Variants in FAT3 observed in about 807,000 individuals in gnomAD.
FAT3 encodes FAT atypical cadherin 3, also known as protocadherin Fat 3.
Under a neutral mutation model 310.2 loss-of-function variants are expected in FAT3, and 95 were observed. That is an observed-to-expected ratio of 0.31 (90% confidence interval 0.26 to 0.36). The LOEUF is 0.36. Among genes scored for constraint, FAT3 ranks in the 10% least tolerant of loss-of-function variants. The pLI is 1.00. For missense variants in FAT3, 5,408 were observed against 5,715.6 expected, an observed-to-expected ratio of 0.95 and a Z score of 1.74; for synonymous variants, 2,314 against 2,192.9, an observed-to-expected ratio of 1.06 and a Z score of -1.54.
intron 2 of FAT3, among the ~76,000 whole-genome samples, chr11:92,432,362 A>T (rs541303486): frequency 5.9e-5 from 9 of 152,186 alleles, no homozygotes; most frequent in Non-Finnish European, 1.0e-4. Context: ...GAGACTGCTG[A>T]AGTTGCCTAT....
chr11:92,431,321 G>A (rs983527103), intron 2 of FAT3, among the ~76,000 whole-genome samples: 1 of 152,108 alleles, frequency 6.6e-6, no homozygotes, highest in Non-Finnish European at 1.5e-5. Context: ...TTTGAGAAGT[G>A]TCTGTTCATA....
rs533404681 is a variant in FAT3, at chr11:92,732,131, A to T, written c.3670-29725A>T. 9.2e-5 allele frequency among the ~76,000 whole-genome samples: 14 copies of T among 152,286 alleles called. No individual in the cohort carries two copies. In the East Asian group the frequency reaches 2.7e-3, roughly 29 times the overall value. On this transcript the variant is annotated intron_variant, in intron 4 of 27. Transcript: ENST00000525166. ...TTTACTAATTTACTCACATCAATTT[A>T]CTAATTGTTTCTTACGCTAGGTACT...
At chr11:92,422,895 ACC>A (rs1950560097) in intron 2 of FAT3, among the ~76,000 whole-genome samples, 1 of 152,108 alleles carries the variant, frequency 6.6e-6, no homozygotes, top group African/African-American at 2.4e-5. Flanking sequence ...AGGGACGTTG[ACC>A]AGACTAGAGG....
chr11:92,643,235 A>G (rs1013621021), intron 3 of FAT3, among the ~76,000 whole-genome samples: 6 of 152,142 alleles, frequency 3.9e-5, no homozygotes, highest in African/African-American at 1.4e-4. Context: ...CCTAATTCAA[A>G]TTTCCCCTGG....
chr11:92,538,189 TG>T (rs1954323178), intron 3 of FAT3, among the ~76,000 whole-genome samples: 1 of 152,150 alleles, frequency 6.6e-6, no homozygotes. Flanking sequence ...TTCTATTAAG[TG>T]TATTATTCTA....
intron 2 of FAT3, among the ~76,000 whole-genome samples, chr11:92,401,202 C>G (rs1189365378): frequency 6.6e-6 from 1 of 152,140 alleles, no homozygotes; most frequent in Admixed American, 6.5e-5. Context: ...AAACTGAGTG[C>G]AGGCTAGTGG....
intron 2 of FAT3, among the ~76,000 whole-genome samples, chr11:92,470,228 A>G (rs1951871353): frequency 2.0e-5 from 3 of 152,324 alleles, no homozygotes; most frequent in African/African-American, 7.2e-5. Context: ...AAAATTTTGG[A>G]TAATTATAAG....
At chr11:92,735,927 C>T (rs939511576) in intron 4 of FAT3, among the ~76,000 whole-genome samples, 4 of 152,000 alleles carry the variant, frequency 2.6e-5, no homozygotes, top group African/African-American at 9.7e-5. Flanking sequence ...GTAGATATTG[C>T]TATTCCCATG....
chr11:92,302,676 A>G (rs1947030135), intron 1 of FAT3, among the ~76,000 whole-genome samples: 1 of 152,108 alleles, frequency 6.6e-6, no homozygotes, highest in South Asian at 2.1e-4. Context: ...AAATCCAAAC[A>G]GAACTCATAG....
At chr11:92,432,986 C>T (rs973485956) in intron 2 of FAT3, among the ~76,000 whole-genome samples, 20 of 152,158 alleles carry the variant, frequency 1.3e-4, no homozygotes, top group Non-Finnish European at 2.9e-4. Context: ...TGCGGCACTA[C>T]GTTGGGCTCT....
In FAT3 at chr11:92,797,868, G is replaced by A. The variant is rs1479988956; in HGVS notation, c.4855G>A (p.Val1619Ile). The A allele has an allele frequency of 2.5e-6, 4 of 1,613,770 alleles. No individual in the cohort carries two copies. Among genetic ancestry groups the A allele is most frequent in the Middle Eastern group, 1.7e-4 (1 of 6,056 alleles). Residue 1619 changes from valine to isoleucine, a missense_variant, in exon 10 of 28, where the codon GTC (valine) becomes ATC (isoleucine). Physicochemically the swap from Val to Ile is conservative, Grantham distance 29. This residue lies in a region of FAT3 where 4,588 missense variants were observed against 4,809.8 expected (regional missense o/e 0.95). Transcript: ENST00000525166. Reference sequence around the variant, plus strand: ...TGGGAACATGTTTAAGATCGAACCGGTCCTAGGCATCATCACCATTTGCAA... The same window carrying A: ...TGGGAACATGTTTAAGATCGAACCGATCCTAGGCATCATCACCATTTGCAA... The part of the protein sequence containing the change: ...NTGNMFKIEP[V>I]LGIITICKEP...
intron 3 of FAT3, among the ~76,000 whole-genome samples, chr11:92,680,853 T>A (rs1943462377): frequency 6.6e-6 from 1 of 152,222 alleles, no homozygotes; most frequent in African/African-American, 2.4e-5. Flanking sequence ...GCAGGGAGGC[T>A]TGGTACTGAG....
At chr11:92,502,067 C>T (rs897794178) in intron 2 of FAT3, among the ~76,000 whole-genome samples, 4 of 151,912 alleles carry the variant, frequency 2.6e-5, no homozygotes, top group Admixed American at 2.6e-4. Flanking sequence ...GTGATAGACT[C>T]CTGAGAATAA....
chr11:92,785,022 C>T (rs1272707969), intron 7 of FAT3, among the ~76,000 whole-genome samples: 1 of 151,402 alleles, frequency 6.6e-6, no homozygotes, highest in Admixed American at 6.6e-5. Flanking sequence ...GAACAATACC[C>T]AAAACTTTAC....
chr11:92,309,490 C>T lies in FAT3; in HGVS notation c.-17-42606C>T, dbSNP rs541565458. On this transcript the variant is annotated intron_variant, in intron 1 of 27. Coordinates refer to ENST00000525166, the MANE Select transcript of FAT3 (RefSeq NM_001367949.2). Reference sequence around the variant, plus strand: ...CAAGTAGGATCGTTCAAACTTAAAACGCTGGTTGCTGTGCATTTAGTTTAT... The same window carrying T: ...CAAGTAGGATCGTTCAAACTTAAAATGCTGGTTGCTGTGCATTTAGTTTAT... Among the ~76,000 whole-genome samples, 267 of 152,068 alleles carry T rather than the reference C, an allele frequency of 1.8e-3. 2 individuals are homozygous for T. In the South Asian group the frequency reaches 0.018, roughly 10 times the overall value.
At chr11:92,276,263 A>C (rs115215367) in intron 1 of FAT3, among the ~76,000 whole-genome samples, 1 of 152,176 alleles carries the variant, frequency 6.6e-6, no homozygotes, top group Admixed American at 6.5e-5. Flanking sequence ...AAATTGTAAA[A>C]TCACAGAAGT....
chr11:92,369,387 G>T (rs1226541422), intron 2 of FAT3, among the ~76,000 whole-genome samples: 1 of 152,202 alleles, frequency 6.6e-6, no homozygotes, highest in Non-Finnish European at 1.5e-5. Context: ...TGATGCCAAA[G>T]AAACCTGGTT....
intron 3 of FAT3, among the ~76,000 whole-genome samples, chr11:92,591,014 T>G (rs1939398597): frequency 6.6e-6 from 1 of 152,120 alleles, no homozygotes; most frequent in African/African-American, 2.4e-5. Flanking sequence ...CAGTCTGACC[T>G]CTGTGTGTGT....
chr11:92,821,697 G>A (rs1398502107), intron 13 of FAT3, among the ~76,000 whole-genome samples: 2 of 152,206 alleles, frequency 1.3e-5, no homozygotes, highest in East Asian at 1.9e-4. Context: ...GGAATGAACA[G>A]ATCTGGATGC....
Sources: gnomAD v4.1 joint callset for allele counts (sites outside exome capture counted in the v4.1 genomes callset) on GRCh38, gnomAD v4.1.1 for gene constraint, gnomAD v4.1.1 regional missense constraint, MANE v1.5 for transcripts, NCBI Gene and HGNC (gene_info 2026-07-23, HGNC 2026-07-21) for gene names.